Variants in TMEM232 observed in about 807,000 individuals in gnomAD.
The protein encoded by TMEM232 is transmembrane protein 232.
In TMEM232, 80 loss-of-function variants were observed where a neutral mutation model predicts 78.8. The observed-to-expected ratio is 1.01, with a 90% CI of 0.85 to 1.22. The LOEUF (loss-of-function observed/expected upper bound fraction) is 1.22. Ranked by LOEUF, TMEM232 falls within the 50% of genes most tolerant of loss-of-function variation. The probability of loss-of-function intolerance (pLI) is 0.00; values close to 1 mark genes in which losing one functional copy is unlikely to be tolerated. For synonymous variants in TMEM232, 297 were observed against 254.3 expected (o/e 1.17, Z -1.60); for missense variants, 881 against 742.2 (o/e 1.19, Z -2.17).
chr5:110,471,848 AAG>A (rs1442967438), intron 12 of TMEM232, among the ~76,000 whole-genome samples: 1 of 152,118 alleles, frequency 6.6e-6, no homozygotes, highest in Non-Finnish European at 1.5e-5. Context: ...AAGCCAGACT[AAG>A]AAGTCAAAAA....
At chr5:110,635,408 T>G (rs1785667315) in intron 5 of TMEM232, among the ~76,000 whole-genome samples, 1 of 152,006 alleles carries the variant, frequency 6.6e-6, no homozygotes. Context: ...CTAATATCCC[T>G]AATGCACATA....
intron 2 of TMEM232, among the ~76,000 whole-genome samples, chr5:110,411,849 G>A (rs1669039848): frequency 6.6e-6 from 1 of 152,228 alleles, no homozygotes; most frequent in Admixed American, 6.5e-5. Flanking sequence ...GGACACTTGG[G>A]TTGCTTCTAC....
At chr5:110,430,776 G>A (rs1757745594) in intron 12 of TMEM232, among the ~76,000 whole-genome samples, 1 of 151,626 alleles carries the variant, frequency 6.6e-6, no homozygotes, top group Admixed American at 6.6e-5. Context: ...TGTCACTAAA[G>A]TGATAGCTTG....
chr5:110,416,252 C>A (rs954528489), downstream of TMEM232, among the ~76,000 whole-genome samples: 1 of 152,218 alleles, frequency 6.6e-6, no homozygotes, highest in Non-Finnish European at 1.5e-5. Flanking sequence ...TTGAGAAGTA[C>A]TGTGTGGACT....
At chr5:110,656,648 G>C (rs569568039) in intron 2 of TMEM232, among the ~76,000 whole-genome samples, 1 of 151,964 alleles carries the variant, frequency 6.6e-6, no homozygotes, top group African/African-American at 2.4e-5. Context: ...GACCATCCTG[G>C]CTAACAAGTG....
chr5:110,735,342 G>A (rs564568928), intron 1 of TMEM232, among the ~76,000 whole-genome samples: 150 of 152,160 alleles, frequency 9.9e-4, no homozygotes, highest in African/African-American at 3.4e-3. Flanking sequence ...CTGGACTTTC[G>A]AAAATATGTA....
intron 10 of TMEM232, among the ~76,000 whole-genome samples, chr5:110,590,577 T>G (rs1779389843): frequency 2.0e-5 from 3 of 151,984 alleles, no homozygotes; most frequent in African/African-American, 7.3e-5. Context: ...CACTCCACCG[T>G]CAGGGGAAAA....
chr5:110,575,548 T>C (rs1777477971), intron 10 of TMEM232, among the ~76,000 whole-genome samples: 1 of 151,928 alleles, frequency 6.6e-6, no homozygotes, highest in Admixed American at 6.6e-5. Flanking sequence ...GCAGCTAAGG[T>C]GTGTGGCTCT....
Position 110,568,614 on chromosome 5 carries a change from C to A in TMEM232, c.1288G>T (p.Val430Phe), listed in dbSNP as rs1011716672. 1.3e-6 allele frequency: 2 copies of A among 1,536,600 alleles called. No homozygotes were observed. Among genetic ancestry groups the A allele is most frequent in the African/African-American group, 2.8e-5 (2 of 72,032 alleles). ...ACTAAGCCATAGTAACCAGTCCAGA[C>A]TACTTGATCACCTGTTTAAAAAGAA... ...SKMSENCDQVVWTGYYGLVYN... is the reference protein window; with the variant it reads ...SKMSENCDQVFWTGYYGLVYN... The change falls in exon 11 of 14, where the codon GTC becomes TTC. Residue 430 changes from valine (V) to phenylalanine (F), a missense_variant. Coordinates refer to ENST00000455884, the MANE Select transcript of TMEM232 (RefSeq NM_001039763.4).
chr5:110,609,742 T>C (rs1781962057), intron 8 of TMEM232, among the ~76,000 whole-genome samples: 1 of 152,144 alleles, frequency 6.6e-6, no homozygotes, highest in Non-Finnish European at 1.5e-5. Context: ...ACCAACTTTG[T>C]TATGAATGCT....
chr5:110,464,009 G>A (rs1295986857), intron 12 of TMEM232, among the ~76,000 whole-genome samples: 1 of 152,112 alleles, frequency 6.6e-6, no homozygotes, highest in Non-Finnish European at 1.5e-5. Context: ...TATCATATGG[G>A]TCTTAGCTCA....
intron 10 of TMEM232, among the ~76,000 whole-genome samples, chr5:110,578,472 T>C (rs1777813766): frequency 6.6e-6 from 1 of 151,950 alleles, no homozygotes; most frequent in African/African-American, 2.4e-5. Context: ...CCTTAAGTAA[T>C]CTAAAACTGA....
chr5:110,591,050 G>C (rs1396183235), intron 10 of TMEM232, among the ~76,000 whole-genome samples: 1 of 152,158 alleles, frequency 6.6e-6, no homozygotes, highest in Non-Finnish European at 1.5e-5. Context: ...TGGGAACACA[G>C]AGCTAAACCA....
At chr5:110,612,161 T>G (rs181484174) in intron 8 of TMEM232, among the ~76,000 whole-genome samples, 21 of 152,282 alleles carry the variant, frequency 1.4e-4, no homozygotes, top group Admixed American at 1.2e-3. Flanking sequence ...TGCTGTTATC[T>G]CGATATAACT....
chr5:110,480,205 AAAAG>A (rs1288211909), intron 12 of TMEM232, among the ~76,000 whole-genome samples: 1 of 151,886 alleles, frequency 6.6e-6, no homozygotes, highest in African/African-American at 2.4e-5. Context: ...CAGTGGGAGA[AAAAG>A]AAGCTTCTAT....
intron 8 of TMEM232, among the ~76,000 whole-genome samples, chr5:110,615,498 T>G (rs1373645229): frequency 6.6e-6 from 1 of 151,848 alleles, no homozygotes; most frequent in Non-Finnish European, 1.5e-5. Flanking sequence ...ACAAAAAAGG[T>G]CATACATGGC....
intron 11 of TMEM232, among the ~76,000 whole-genome samples, chr5:110,556,846 T>C (rs1775149037): frequency 1.3e-5 from 2 of 152,230 alleles, no homozygotes; most frequent in South Asian, 4.1e-4. Context: ...GAGTATCTGA[T>C]AACTATGAGT....
intron 5 of TMEM232, among the ~76,000 whole-genome samples, chr5:110,629,775 T>C (rs1026185149): frequency 6.6e-6 from 1 of 152,194 alleles, no homozygotes; most frequent in Non-Finnish European, 1.5e-5. Context: ...GATCACTGCA[T>C]ATGTTTCTAT....
At chr5:110,446,650 A>C (rs1759679713) in intron 12 of TMEM232, among the ~76,000 whole-genome samples, 1 of 152,082 alleles carries the variant, frequency 6.6e-6, no homozygotes, top group Non-Finnish European at 1.5e-5. Flanking sequence ...AGAATCCCTA[A>C]ATGTTAATAT....
Sources: gnomAD v4.1 joint callset for allele counts (sites outside exome capture counted in the v4.1 genomes callset) on GRCh38, gnomAD v4.1.1 for gene constraint, MANE v1.5 for transcripts, NCBI Gene and HGNC (gene_info 2026-07-23, HGNC 2026-07-21) for gene names.